Variants in GPATCH2 observed in about 807,000 individuals in gnomAD.
GPATCH2 encodes G-patch domain containing 2.
Under a neutral mutation model 58.0 loss-of-function variants are expected in GPATCH2, and 51 were observed. The ratio of observed to expected loss-of-function variants is 0.88; its 90% CI spans 0.70 to 1.11. The LOEUF (loss-of-function observed/expected upper bound fraction) is 1.11. Among genes scored for constraint, GPATCH2 ranks in the 50% most tolerant of loss-of-function variants. The probability of loss-of-function intolerance (pLI) is 0.00; values close to 1 mark genes in which losing one functional copy is unlikely to be tolerated. For synonymous variants in GPATCH2, 222 were observed against 218.5 expected (o/e 1.02, Z -0.14); for missense variants, 625 against 652.2 (o/e 0.96, Z 0.45).
In GPATCH2 at chr1:217,513,180, A is replaced by G. The variant is rs112416538; in HGVS notation, c.1166+1642T>C. 3.1e-3 allele frequency among the ~76,000 whole-genome samples: 472 copies of G among 152,016 alleles called. 2 individuals carry two copies. The highest frequency in any genetic ancestry group is 0.011 in the African/African-American group (451 of 41,468). On this transcript the variant is annotated intron_variant, in intron 6 of 9. Transcript: ENST00000366935. ...TGGCACACGCCTGTAGTCCCAAGCT[A>G]CTCGAGAGGCTGATGCAGAAGAATC...
intron 5 of GPATCH2, among the ~76,000 whole-genome samples, chr1:217,592,867 A>G (rs1039884067): frequency 1.3e-5 from 2 of 151,958 alleles, no homozygotes; most frequent in African/African-American, 4.8e-5. Context: ...ACCTAATTCA[A>G]ATGGTTCTCT....
At position 217,543,589 on chromosome 1, in the gene GPATCH2, C is replaced by T. The variant is rs575228460; in HGVS notation, c.1099-28700G>A. ...TGGCCAGGAATGTTTTAAATCTGCT[C>T]CATGCCTCAGTTTCCCAACATGATT... On this transcript the variant is annotated intron_variant, in intron 5 of 9. Coordinates refer to ENST00000366935, the MANE Select transcript of GPATCH2 (RefSeq NM_018040.5). 4.6e-5 allele frequency among the ~76,000 whole-genome samples: 7 copies of T among 152,124 alleles called. No homozygotes were observed. In the East Asian group the frequency reaches 1.4e-3, roughly 29 times the overall value.
chr1:217,614,122 A>G lies in GPATCH2; in HGVS notation c.835+19T>C. 1.4e-6 allele frequency: 2 copies of G among 1,451,102 alleles called. No individual in the cohort carries two copies. Among genetic ancestry groups the G allele is most frequent in the Non-Finnish European group, 1.9e-6 (2 of 1,032,478 alleles). 89.9% of individuals were successfully genotyped at this position (1,451,102 alleles called of 1,614,324 possible). On this transcript the variant is annotated intron_variant, in intron 3 of 9. Coordinates refer to ENST00000366935, the MANE Select transcript of GPATCH2 (RefSeq NM_018040.5). ...TGAAGAAGTTTTTCCAAAGAGAGAA[A>G]AAAATATCATTTCAGTACCTTGTCT... is the stretch of plus-strand genomic sequence containing the variant.
intron 5 of GPATCH2, among the ~76,000 whole-genome samples, chr1:217,548,834 A>G (rs1258575132): frequency 2.0e-5 from 3 of 152,130 alleles, no homozygotes; most frequent in Non-Finnish European, 4.4e-5. Context: ...GCCTTCCGCC[A>G]TGATTGTAAG....
At chr1:217,515,966 G>T (rs759609402) in intron 5 of GPATCH2, among the ~76,000 whole-genome samples, 16 of 151,808 alleles carry the variant, frequency 1.1e-4, no homozygotes, top group Admixed American at 2.0e-4. Context: ...TAGTTTCCCC[G>T]AAAAGACAGG....
chr1:217,556,275 AC>A (rs1665611940), intron 5 of GPATCH2, among the ~76,000 whole-genome samples: 1 of 152,006 alleles, frequency 6.6e-6, no homozygotes, highest in African/African-American at 2.4e-5. Context: ...ATGTTAACAT[AC>A]TCCAAGTGTC....
chr1:217,492,061 T>C (rs187365743), intron 7 of GPATCH2, among the ~76,000 whole-genome samples: 1 of 152,258 alleles, frequency 6.6e-6, no homozygotes, highest in East Asian at 1.9e-4. Context: ...AGTTAAGATG[T>C]AGCCTGGAGA....
intron 5 of GPATCH2, among the ~76,000 whole-genome samples, chr1:217,554,797 G>A (rs528633597): frequency 1.3e-5 from 2 of 152,242 alleles, no homozygotes; most frequent in African/African-American, 2.4e-5. Flanking sequence ...AGGGAAAAAA[G>A]TGAATAATAA....
At chr1:217,510,595 T>C (rs1662797715) in intron 6 of GPATCH2, among the ~76,000 whole-genome samples, 1 of 152,194 alleles carries the variant, frequency 6.6e-6, no homozygotes, top group Non-Finnish European at 1.5e-5. Flanking sequence ...GATGAGTACG[T>C]CTTTTAGTGC....
chr1:217,567,108 G>A (rs562540025), intron 5 of GPATCH2, among the ~76,000 whole-genome samples: 7 of 148,494 alleles, frequency 4.7e-5, no homozygotes, highest in East Asian at 4.0e-4. Context: ...GTGCAATGGC[G>A]CGATCTTGGC....
At chr1:217,505,415 G>T (rs565918245) in intron 6 of GPATCH2, among the ~76,000 whole-genome samples, 126 of 152,184 alleles carry the variant, frequency 8.3e-4, no homozygotes, top group African/African-American at 2.7e-3. Flanking sequence ...TAGGAAAGAG[G>T]TTTTAAAACC....
At chr1:217,543,521 G>C (rs376857745) in intron 5 of GPATCH2, among the ~76,000 whole-genome samples, 2 of 151,884 alleles carry the variant, frequency 1.3e-5, no homozygotes, top group African/African-American at 4.8e-5. Flanking sequence ...TGCCCGTCTC[G>C]GCCTCCCAAA....
At chr1:217,558,318 T>G (rs970246190) in intron 5 of GPATCH2, among the ~76,000 whole-genome samples, 2 of 152,218 alleles carry the variant, frequency 1.3e-5, no homozygotes, top group South Asian at 4.1e-4. Flanking sequence ...TAGTGTATAC[T>G]AAATAAATAT....
At chr1:217,494,355 T>C (rs566520611) in intron 7 of GPATCH2, among the ~76,000 whole-genome samples, 10 of 152,308 alleles carry the variant, frequency 6.6e-5, no homozygotes, top group African/African-American at 2.2e-4. Context: ...GGGTCATGAA[T>C]CACAAGTTAA....
chr1:217,622,631 C>T (rs910570921), intron 1 of GPATCH2, among the ~76,000 whole-genome samples: 1 of 152,188 alleles, frequency 6.6e-6, no homozygotes, highest in African/African-American at 2.4e-5. Flanking sequence ...GCAACTTCTG[C>T]CTCCCGGGTT....
intron 8 of GPATCH2, among the ~76,000 whole-genome samples, chr1:217,450,307 A>G (rs1161522193): frequency 6.6e-6 from 1 of 152,104 alleles, no homozygotes; most frequent in African/African-American, 2.4e-5. Flanking sequence ...TTTTAAAGAA[A>G]CTAATTTGAG....
At chr1:217,508,137 G>A (rs1282043115) in intron 6 of GPATCH2, among the ~76,000 whole-genome samples, 1 of 152,030 alleles carries the variant, frequency 6.6e-6, no homozygotes, top group Non-Finnish European at 1.5e-5. Context: ...AGACACGTAA[G>A]CTAAATGACT....
intron 8 of GPATCH2, among the ~76,000 whole-genome samples, chr1:217,464,419 A>G (rs1490499382): frequency 1.3e-5 from 2 of 152,218 alleles, no homozygotes; most frequent in South Asian, 2.1e-4. Flanking sequence ...CACTCAATGG[A>G]AAGTACAGGG....
intron 8 of GPATCH2, among the ~76,000 whole-genome samples, chr1:217,468,273 T>C (rs1199836232): frequency 2.0e-5 from 3 of 152,090 alleles, no homozygotes; most frequent in African/African-American, 7.2e-5. Context: ...GAAAGAGATA[T>C]AAGTGAGGGA....
Sources: allele counts gnomAD v4.1 joint callset (sites outside exome capture counted in the v4.1 genomes callset), GRCh38; gene constraint gnomAD v4.1.1; transcripts MANE v1.5; gene names NCBI Gene and HGNC (gene_info 2026-07-23, HGNC 2026-07-21).